The following TRIM34 variants were observed in gnomAD, a reference collection of about 807,000 sequenced individuals.
TRIM34 encodes E3 ubiquitin-protein ligase TRIM34.
Under a neutral mutation model 38.1 loss-of-function variants are expected in TRIM34, and 41 were observed. The observed-to-expected ratio is 1.08, with a 90% CI of 0.84 to 1.40. The LOEUF (loss-of-function observed/expected upper bound fraction) is 1.40. Among genes scored for constraint, TRIM34 ranks in the 40% most tolerant of loss-of-function variants. TRIM34 has a pLI of 0.00. For synonymous variants in TRIM34, 200 were observed against 202.5 expected, an observed-to-expected ratio of 0.99 and a Z score of 0.10; for missense variants, 556 against 571.4, an observed-to-expected ratio of 0.97 and a Z score of 0.27.
rs1407638449 is a variant in TRIM34, at chr11:5,642,733, CT to C, written c.875-83del. The C allele has an allele frequency of 8.9e-6, 14 of 1,569,238 alleles. No individual in the cohort carries two copies. The African/African-American group carries it at 1.8e-4, about 20-fold the overall frequency. ...CACAGCTTCATGGTATTCCCTTCCC[CT>C]GTCCCTACTCTAAAGAATATATAGG... On this transcript the variant is annotated intron_variant, in intron 6 of 7. Coordinates refer to ENST00000429814, the MANE Select transcript of TRIM34 (RefSeq NM_021616.6).
Position 5,643,995 on chromosome 11 carries a change from A to G in TRIM34, c.*286A>G, listed in dbSNP as rs7106798. 0.93 allele frequency: 456,126 copies of G among 489,038 alleles called. 214,303 individuals carry two copies. The highest frequency in any genetic ancestry group is 1 in the East Asian group (30,932 of 30,950). The allele number at this position is 489,038 out of a possible 1,614,324, so 30.3% of individuals were successfully genotyped here. A position where few individuals can be genotyped will look rare whatever the true frequency, so the allele number is the denominator to read the frequency against. On this transcript the variant is annotated 3_prime_UTR_variant, in exon 8 of 8. Coordinates refer to ENST00000429814, the MANE Select transcript of TRIM34 (RefSeq NM_021616.6). ...ATCCATGTTTCACTTTATCACTGAT[A>G]TGAAGAGGCCCAAAGCCTGTTAGCC...
chr11:5,642,717 A>G (rs1312126492), intron 6 of TRIM34, 100 bp from the exon 7 acceptor site: 1 of 1,526,656 alleles, frequency 6.6e-7, no homozygotes, highest in Non-Finnish European at 8.9e-7. Context: ...TCACAGCTTC[A>G]TGGTATTCCC....
At chr11:5,623,805 T>C (rs1849090321), upstream of TRIM34, among the ~76,000 whole-genome samples, 2 of 152,156 alleles carry the variant, frequency 1.3e-5, no homozygotes, top group Admixed American at 6.5e-5. Flanking sequence ...TGTGGGAAAG[T>C]TGTTAAACTT....
chr11:5,623,543 T>TTG (rs536914618), upstream of TRIM34, among the ~76,000 whole-genome samples: 1,495 of 149,572 alleles, frequency 1.0e-2, 16 homozygotes, highest in Non-Finnish European at 0.017. Context: ...AATTTTTTTT[T>TTG]TTTTTTTTTG....
intron 6 of TRIM34, 45 bp from the exon 7 acceptor site, chr11:5,642,772 C>T (rs928037073): frequency 1.2e-6 from 2 of 1,612,758 alleles, no homozygotes; most frequent in East Asian, 2.2e-5. Context: ...TCAGTGCTTA[C>T]TCCTTTGTTT....
chr11:5,630,054 C>T (rs139626311), intron 1 of TRIM34, among the ~76,000 whole-genome samples: 25 of 152,104 alleles, frequency 1.6e-4, no homozygotes, highest in Admixed American at 1.2e-3. Context: ...CATGTGGATG[C>T]GTGTGAAACT....
chr11:5,643,157 G>A lies in TRIM34; in HGVS notation c.915G>A (p.Leu305=), dbSNP rs1445414832. The part of the protein sequence containing the change: ...AVRCYWVDVT[L]NSVNLNLNLV... ...TTTTTCTTGCAGTGGATGTCACACTGAATTCAGTCAACCTAAATTTGAATC... is the reference window on the plus strand; with the variant it reads ...TTTTTCTTGCAGTGGATGTCACACTAAATTCAGTCAACCTAAATTTGAATC... The change falls in exon 8 of 8, where the codon CTG becomes CTA. Residue 305 remains leucine, a synonymous_variant. Transcript: ENST00000429814. 2.0e-6 allele frequency: 3 copies of A among 1,533,146 alleles called. No individual in the cohort carries two copies. The highest frequency in any genetic ancestry group is 1.7e-6 in the Non-Finnish European group (2 of 1,145,882). The allele number at this position is 1,533,146 out of a possible 1,614,324, so 95.0% of individuals were successfully genotyped here.
rs531303023 is a variant in TRIM34 at position 5,631,022 on chromosome 11, T to C, written c.-77-1233T>C. Among the ~76,000 whole-genome samples, 3 of 152,378 alleles carry C rather than the reference T, an allele frequency of 2.0e-5. No homozygotes were observed. The South Asian group carries it at 6.2e-4, about 32-fold the overall frequency. On this transcript the variant is annotated intron_variant, in intron 1 of 7. Coordinates refer to ENST00000429814, the MANE Select transcript of TRIM34 (RefSeq NM_021616.6). ...CGCTCCTAAATGTGGTCTCCCTTTA[T>C]GTATTGGGACATCTCTCTCATGGCC...
Position 5,632,523 on chromosome 11 carries a change from A to G in TRIM34, c.192A>G (p.Ser64=), listed in dbSNP as rs1170789916. 6.2e-7 allele frequency: 1 copy of G among 1,613,908 alleles called. No homozygotes were observed. Among genetic ancestry groups the G allele is most frequent in the Non-Finnish European group, 8.5e-7 (1 of 1,180,022 alleles). Residue 64 remains serine, a synonymous_variant, in exon 2 of 8, where the codon TCA becomes TCG. Coordinates refer to ENST00000429814, the MANE Select transcript of TRIM34 (RefSeq NM_021616.6). ...SSCPVCGISY[S]FEHLQANQHL... ...GTCCTGTGTGTGGTATCAGTTACTC[A>G]TTTGAACATCTACAGGCTAATCAGC...
intron 1 of TRIM34, among the ~76,000 whole-genome samples, chr11:5,630,453 AG>A (rs1240412644): frequency 6.6e-6 from 1 of 152,152 alleles, no homozygotes; most frequent in African/African-American, 2.4e-5. Flanking sequence ...TACTTCATTT[AG>A]GAAGTGTCAC....
At chr11:5,634,530 C>CACATATATATATATATATATATAT (rs1491498839) in intron 3 of TRIM34, 101 bp from the exon 4 acceptor site, 19 of 203,882 alleles carry the variant, frequency 9.3e-5, no homozygotes, top group African/African-American at 6.6e-4. Flanking sequence ...CACACACACA[C>CACATATATATATATATATATATAT]ATATATATAT....
rs1290261697 is a variant in TRIM34 at position 5,632,497 on chromosome 11, T to C, written c.166T>C (p.Cys56Arg). Residue 56 changes from cysteine (C) to arginine (R), a missense_variant, in exon 2 of 8, where the codon TGT becomes CGT. Cys to Arg is a radical substitution (Grantham distance 180). Transcript: ENST00000429814. ...AVTSMGGKSS[C>R]PVCGISYSFE... ...GACCAGCATGGGAGGAAAAAGCAGC[T>C]GTCCTGTGTGTGGTATCAGTTACTC... 6.2e-7 allele frequency: 1 copy of C among 1,614,068 alleles called. No homozygotes were observed. The highest frequency in any genetic ancestry group is 1.7e-5 in the Admixed American group (1 of 60,008).
At chr11:5,632,899 T>C (rs1849544717) in intron 2 of TRIM34, 145 bp downstream of exon 2, 1 of 1,141,508 alleles carries the variant, frequency 8.8e-7, no homozygotes. Flanking sequence ...TGCTCTCGGC[T>C]CACTGCAACC....
upstream of TRIM34, among the ~76,000 whole-genome samples, chr11:5,620,728 T>C (rs574497559): frequency 2.6e-4 from 40 of 152,282 alleles, no homozygotes; most frequent in African/African-American, 9.6e-4. Flanking sequence ...CCCTCTGCAA[T>C]GGTGTTTGTC....
At chr11:5,641,123 C>T in intron 4 of TRIM34, 44 bp from the exon 5 acceptor site, 1 of 1,598,136 alleles carries the variant, frequency 6.3e-7, no homozygotes, top group Non-Finnish European at 8.5e-7. Context: ...AGTCTTACAC[C>T]AGTCTTTATA....
rs878895848 is a variant in TRIM34 at position 5,632,822 on chromosome 11, CTTTTTTTTTT to C, written c.423+81_423+90del. The stretch of plus-strand genomic sequence containing the variant: ...TGGTGGAAAATCTCACCTTTTCATC[CTTTTTTTTTT>C]TTTTTTTTTTTTGAGACAGAGTCTC... On this transcript the variant is annotated intron_variant, in intron 2 of 7. Coordinates refer to ENST00000429814, the MANE Select transcript of TRIM34 (RefSeq NM_021616.6). The C allele has an allele frequency of 2.7e-5, 27 of 982,930 alleles. No homozygotes were observed. The African/African-American group carries it at 5.2e-4, about 19-fold the overall frequency. 60.9% of individuals were successfully genotyped at this position (982,930 alleles called of 1,614,324 possible).
chr11:5,628,969 TCTC>T (rs772293216), intron 1 of TRIM34, among the ~76,000 whole-genome samples: 8 of 152,060 alleles, frequency 5.3e-5, no homozygotes, highest in Non-Finnish European at 7.4e-5. Flanking sequence ...CTGTATGTCT[TCTC>T]CTCTTATAAA....
intron 1 of TRIM34, among the ~76,000 whole-genome samples, chr11:5,630,488 T>C (rs916803061): frequency 8.5e-5 from 13 of 152,234 alleles, no homozygotes; most frequent in African/African-American, 2.9e-4. Context: ...TCTAGGCTCA[T>C]GTGAGGCCAA....
Position 5,634,858 on chromosome 11 carries a change from G to A in TRIM34, c.747G>A (p.Leu249=), listed in dbSNP as rs758228221. 1.2e-6 allele frequency: 2 copies of A among 1,611,992 alleles called. No homozygotes were observed. Among genetic ancestry groups the A allele is most frequent in the Non-Finnish European group, 1.7e-6 (2 of 1,178,852 alleles). The change falls in exon 4 of 8, where the codon CTG becomes CTA. Residue 249 remains leucine (L), a synonymous_variant. Coordinates refer to ENST00000429814, the MANE Select transcript of TRIM34 (RefSeq NM_021616.6). ...CRSQWSTMEL[L]QDMSGIMKWS... The stretch of plus-strand genomic sequence containing the variant: ...GTCAGTGGTCAACAATGGAGCTGCT[G>A]CAGGTAAGAAGGTTCGCTCAATCTG...
Sources: gnomAD v4.1 joint callset for allele counts (sites outside exome capture counted in the v4.1 genomes callset) on GRCh38, gnomAD v4.1.1 for gene constraint, MANE v1.5 for transcripts, NCBI Gene and HGNC (gene_info 2026-07-23, HGNC 2026-07-21) for gene names.